Variants in ARHGAP24 observed in about 807,000 individuals in gnomAD.
ARHGAP24 encodes Rho GTPase activating protein 24, also known as rho GTPase-activating protein 24.
A neutral mutation model predicts 76.4 loss-of-function variants in ARHGAP24; 50 were observed. That is an observed-to-expected ratio of 0.65 (90% CI 0.52 to 0.83). The LOEUF (loss-of-function observed/expected upper bound fraction) is 0.83, where lower values mean the gene tolerates loss of function less well. Among genes scored for constraint, ARHGAP24 ranks in the 40% least tolerant of loss-of-function variants. The probability of loss-of-function intolerance (pLI) is 0.00; values close to 1 mark genes in which losing one functional copy is unlikely to be tolerated. For synonymous variants in ARHGAP24, 345 were observed against 323.3 expected (o/e 1.07, Z -0.72); for missense variants, 930 against 914.2 (o/e 1.02, Z -0.22).
At chr4:85,662,122 C>T (rs544768450) in intron 2 of ARHGAP24, among the ~76,000 whole-genome samples, 4,401 of 152,184 alleles carry the variant, frequency 0.029, 199 homozygotes, top group African/African-American at 0.099. Context: ...AACTAGTTTA[C>T]AGTCCCACCA....
At chr4:85,837,838 A>G (rs558419445) in intron 3 of ARHGAP24, among the ~76,000 whole-genome samples, 1 of 152,302 alleles carries the variant, frequency 6.6e-6, no homozygotes, top group South Asian at 2.1e-4. Flanking sequence ...ACTGATAATT[A>G]GAGAATTTTA....
At chr4:85,952,513 G>A (rs1737673214) in intron 5 of ARHGAP24, among the ~76,000 whole-genome samples, 1 of 152,154 alleles carries the variant, frequency 6.6e-6, no homozygotes, top group Non-Finnish European at 1.5e-5. Context: ...CCTGTGTGAG[G>A]GAAAAACAGA....
chr4:85,753,826 C>T (rs1055765759), intron 3 of ARHGAP24, among the ~76,000 whole-genome samples: 2 of 152,118 alleles, frequency 1.3e-5, no homozygotes, highest in East Asian at 3.9e-4. Flanking sequence ...ATTTCAATAC[C>T]TATATACAAT....
chr4:85,923,780 C>T lies in ARHGAP24; in HGVS notation c.391+10C>T, dbSNP rs566785591. The T allele has an allele frequency of 5.6e-5, 91 of 1,613,874 alleles. No individual in the cohort carries two copies. In the South Asian group the frequency reaches 9.6e-4, roughly 17 times the overall value. ...GGACCTTTCGGAGGAGGTGAGTGTA[C>T]TTTAAAATCATGGAAAAACAGAAAG... On this transcript the variant is annotated intron_variant, in intron 4 of 9. Coordinates refer to ENST00000395184, the MANE Select transcript of ARHGAP24 (RefSeq NM_001025616.3).
At chr4:85,712,385 C>T (rs2110035637) in intron 2 of ARHGAP24, among the ~76,000 whole-genome samples, 1 of 152,236 alleles carries the variant, frequency 6.6e-6, no homozygotes, top group Non-Finnish European at 1.5e-5. Flanking sequence ...TTTTAAAACC[C>T]CAGCTGTTTA....
chr4:85,789,533 G>A (rs1728021462), intron 3 of ARHGAP24, among the ~76,000 whole-genome samples: 1 of 152,080 alleles, frequency 6.6e-6, no homozygotes, highest in African/African-American at 2.4e-5. Context: ...ACTTATAATA[G>A]AACCAACATC....
intron 4 of ARHGAP24, among the ~76,000 whole-genome samples, chr4:85,934,737 A>C (rs1401630903): frequency 6.6e-6 from 1 of 151,872 alleles, no homozygotes; most frequent in Non-Finnish European, 1.5e-5. Context: ...CTCGTCTCAA[A>C]CTCCTGACCT....
chr4:85,930,930 G>T (rs759353752), intron 4 of ARHGAP24: 3 of 1,613,940 alleles, frequency 1.9e-6, no homozygotes, highest in Non-Finnish European at 2.5e-6. Context: ...AGGCCTGTAC[G>T]ATGCCTGAAG....
chr4:85,858,645 C>T (rs541249330), intron 3 of ARHGAP24, among the ~76,000 whole-genome samples: 46 of 152,128 alleles, frequency 3.0e-4, no homozygotes, highest in East Asian at 5.8e-4. Context: ...GGCAAGTTGG[C>T]TTTGCCTCTG....
chr4:85,842,942 G>C (rs1251227867), intron 3 of ARHGAP24, among the ~76,000 whole-genome samples: 1 of 152,144 alleles, frequency 6.6e-6, no homozygotes, highest in Non-Finnish European at 1.5e-5. Flanking sequence ...AATTAACCCA[G>C]CCAAGAACCT....
At chr4:85,540,933 T>G (rs1350164032) in intron 1 of ARHGAP24, among the ~76,000 whole-genome samples, 1 of 152,108 alleles carries the variant, frequency 6.6e-6, no homozygotes, top group East Asian at 1.9e-4. Flanking sequence ...AAGGGAAGGT[T>G]TGTTACTGTG....
chr4:85,621,544 G>C (rs893816579), intron 2 of ARHGAP24, among the ~76,000 whole-genome samples: 3 of 151,792 alleles, frequency 2.0e-5, no homozygotes. Context: ...TCATATGTTT[G>C]TTGGCCACTT....
intron 1 of ARHGAP24, among the ~76,000 whole-genome samples, chr4:85,526,106 A>C (rs1471892791): frequency 6.6e-6 from 1 of 152,136 alleles, no homozygotes; most frequent in African/African-American, 2.4e-5. Context: ...AGAGCATGAA[A>C]TATGTTTTGA....
intron 3 of ARHGAP24, among the ~76,000 whole-genome samples, chr4:85,881,020 A>G (rs1163351745): frequency 1.3e-5 from 2 of 152,160 alleles, no homozygotes; most frequent in East Asian, 3.9e-4. Context: ...TCTTTTTGGC[A>G]TATCCGAATT....
intron 3 of ARHGAP24, among the ~76,000 whole-genome samples, chr4:85,825,784 C>T (rs1729686856): frequency 6.6e-6 from 1 of 152,196 alleles, no homozygotes; most frequent in Non-Finnish European, 1.5e-5. Context: ...AGTCAATATC[C>T]TCAAGAAGTT....
chr4:85,797,144 GA>G (rs945759060), intron 3 of ARHGAP24, among the ~76,000 whole-genome samples: 4 of 137,236 alleles, frequency 2.9e-5, no homozygotes, highest in African/African-American at 8.1e-5. Context: ...GCTGGGAAAG[GA>G]AAAAAAATTT....
chr4:85,583,445 T>A (rs1017709527), intron 2 of ARHGAP24, among the ~76,000 whole-genome samples: 2 of 152,030 alleles, frequency 1.3e-5, no homozygotes, highest in African/African-American at 4.8e-5. Flanking sequence ...AAAAAATCTG[T>A]ATCCTTTAAA....
At chr4:85,797,928 C>T (rs1728433395) in intron 3 of ARHGAP24, among the ~76,000 whole-genome samples, 1 of 152,166 alleles carries the variant, frequency 6.6e-6, no homozygotes, top group Admixed American at 6.5e-5. Context: ...ATCTGAAGAG[C>T]AAAACTACAG....
intron 1 of ARHGAP24, among the ~76,000 whole-genome samples, chr4:85,535,056 A>G (rs1725413652): frequency 6.6e-6 from 1 of 152,200 alleles, no homozygotes; most frequent in East Asian, 1.9e-4. Context: ...AAACATACAT[A>G]GTCCAACTCA....
Sources: gnomAD v4.1 joint callset for allele counts (sites outside exome capture counted in the v4.1 genomes callset) on GRCh38, gnomAD v4.1.1 for gene constraint, MANE v1.5 for transcripts, NCBI Gene and HGNC (gene_info 2026-07-23, HGNC 2026-07-21) for gene names.